GNAL: variants seen among roughly 807,000 people sequenced by gnomAD.
The protein encoded by GNAL is guanine nucleotide-binding protein G(olf) subunit alpha.
Under a neutral mutation model 55.1 loss-of-function variants are expected in GNAL, and 18 were observed. The ratio of observed to expected loss-of-function variants is 0.33; its 90% CI spans 0.23 to 0.48. GNAL has a LOEUF of 0.48. Ranked by LOEUF, GNAL falls within the 20% of genes least tolerant of loss-of-function variation. The pLI is 0.99. For missense variants in GNAL, 412 were observed against 614.1 expected (o/e 0.67, Z 3.48); for synonymous variants, 253 against 237.0 (o/e 1.07, Z -0.62).
intron 4 of GNAL, among the ~76,000 whole-genome samples, chr18:11,766,451 G>A (rs2033408731): frequency 6.6e-6 from 1 of 152,180 alleles, no homozygotes; most frequent in African/African-American, 2.4e-5. Context: ...GGAGCAGGGA[G>A]GGAAGAGGCT....
chr18:11,728,895 C>CTGA (rs2032273792), intron 1 of GNAL, among the ~76,000 whole-genome samples: 1 of 152,120 alleles, frequency 6.6e-6, no homozygotes, highest in Non-Finnish European at 1.5e-5. Flanking sequence ...TGGGAGCCTG[C>CTGA]TGATGAAAGG....
At chr18:11,714,032 C>T (rs2031897475) in intron 1 of GNAL, among the ~76,000 whole-genome samples, 1 of 152,180 alleles carries the variant, frequency 6.6e-6, no homozygotes, top group Non-Finnish European at 1.5e-5. Flanking sequence ...GCTTCAGAGT[C>T]GTGGGATTCT....
intron 4 of GNAL, among the ~76,000 whole-genome samples, chr18:11,792,905 T>A (rs1278818079): frequency 6.6e-6 from 1 of 152,236 alleles, no homozygotes; most frequent in African/African-American, 2.4e-5. Context: ...TAGTTGGACT[T>A]GTTATATTAT....
At chr18:11,773,615 C>A (rs2033696976) in intron 4 of GNAL, among the ~76,000 whole-genome samples, 1 of 151,986 alleles carries the variant, frequency 6.6e-6, no homozygotes, top group Non-Finnish European at 1.5e-5. Flanking sequence ...TACAAAAAAT[C>A]TTGTATAAAA....
At chr18:11,799,641 T>C (rs1273716008) in intron 4 of GNAL, among the ~76,000 whole-genome samples, 3 of 152,286 alleles carry the variant, frequency 2.0e-5, no homozygotes, top group Middle Eastern at 3.4e-3. Flanking sequence ...GTATTTCAAA[T>C]TTCAGATTTC....
intron 11 of GNAL, among the ~76,000 whole-genome samples, chr18:11,880,295 A>G (rs150321562): frequency 0.033 from 4,586 of 137,422 alleles, 174 homozygotes; most frequent in Admixed American, 0.091. Flanking sequence ...TAGGTGGGGC[A>G]CAGTGGCTCA....
chr18:11,880,991 G>C lies in GNAL; in HGVS notation c.1233G>C (p.Arg411Ser). Residue 411 changes from arginine to serine, a missense_variant and splice_region_variant, in exon 12 of 12, where the codon AGG becomes AGC. Transcript: ENST00000334049. Reference protein sequence around the residue: ...AKFFIRDLFLRISTATGDGKH... With the variant: ...AKFFIRDLFLSISTATGDGKH... ...AGTGCACACGCTCTCTCTTGCAGAG[G>C]ATCAGCACGGCCACCGGTGACGGCA... 6.2e-7 allele frequency: 1 copy of C among 1,613,842 alleles called. No individual in the cohort carries two copies.
chr18:11,744,591 A>C (rs2032648369), intron 1 of GNAL, among the ~76,000 whole-genome samples: 1 of 152,230 alleles, frequency 6.6e-6, no homozygotes, highest in African/African-American at 2.4e-5. Context: ...CTGTGTGCAC[A>C]CTGGTCACTC....
At chr18:11,743,222 C>T (rs772704692) in intron 1 of GNAL, among the ~76,000 whole-genome samples, 9 of 151,480 alleles carry the variant, frequency 5.9e-5, no homozygotes, top group Non-Finnish European at 1.0e-4. Flanking sequence ...GAGGTGTTGG[C>T]GCTAGGATTT....
intron 5 of GNAL, chr18:11,851,419 A>T (rs930032033): frequency 1.4e-6 from 2 of 1,407,634 alleles, no homozygotes; most frequent in South Asian, 3.0e-5. Flanking sequence ...GGACCAAAAC[A>T]AAGGAGCGGC....
intron 11 of GNAL, among the ~76,000 whole-genome samples, chr18:11,877,252 G>A (rs370128304): frequency 3.5e-4 from 54 of 152,262 alleles, no homozygotes; most frequent in African/African-American, 1.2e-3. Context: ...TCAGGAGTTC[G>A]AGACTAGCCT....
intron 1 of GNAL, 46 bp downstream of exon 1, chr18:11,689,985 C>T (rs529866868): frequency 2.0e-5 from 23 of 1,133,814 alleles, no homozygotes; most frequent in South Asian, 4.0e-5. Flanking sequence ...GGACAGCGCG[C>T]CGGGCCCGCG....
chr18:11,794,436 A>T (rs2034322113), intron 4 of GNAL, among the ~76,000 whole-genome samples: 1 of 152,228 alleles, frequency 6.6e-6, no homozygotes, highest in South Asian at 2.1e-4. Context: ...CACAGCATGG[A>T]TGAACCTTGA....
At chr18:11,790,077 CTGT>C (rs1182560847) in intron 4 of GNAL, among the ~76,000 whole-genome samples, 2 of 152,188 alleles carry the variant, frequency 1.3e-5, no homozygotes, top group East Asian at 1.9e-4. Context: ...AGGAAGGGTG[CTGT>C]TGTTCTTAGA....
Position 11,751,587 on chromosome 18 carries a change from G to A in GNAL, c.377-1266G>A. 1.0e-6 allele frequency: 1 copy of A among 985,464 alleles called. No homozygotes were observed. Among genetic ancestry groups the A allele is most frequent in the Non-Finnish European group, 1.2e-6 (1 of 829,954 alleles). 61.0% of individuals were successfully genotyped at this position (985,464 alleles called of 1,614,324 possible). A position where few individuals can be genotyped will look rare whatever the true frequency, so the allele number is the denominator to read the frequency against. On this transcript the variant is annotated intron_variant, in intron 1 of 11. Coordinates refer to ENST00000334049, the MANE Select transcript of GNAL (RefSeq NM_182978.4). This position sits in a 1 kb window ranked among gnomAD's most constrained non-coding sequence, Gnocchi z 4.5. ...GTCTTCGCCCGCCAGGAGCAGGGAC[G>A]CGTCCGAGCCAACACGGGGCGCGCG...
rs1786565 is a variant in GNAL, at chr18:11,824,629, G to A, written c.625-289G>A. Among the ~76,000 whole-genome samples, 103,726 of 151,660 alleles carry A rather than the reference G, an allele frequency of 0.68. 37,515 individuals carry two copies. The highest frequency in any genetic ancestry group is 0.81 in the Admixed American group (12,391 of 15,252). On this transcript the variant is annotated intron_variant, in intron 4 of 11. Transcript: ENST00000334049. ...CTTGAACCTGGGAGGCGGAGGTTGC[G>A]GTGAACCAAGATGGCACCACTGCAC...
rs138510198 is a variant in GNAL at position 11,739,839 on chromosome 18, G to A, written c.377-13014G>A. 1.2e-4 allele frequency among the ~76,000 whole-genome samples: 18 copies of A among 150,494 alleles called. 1 individual carries two copies. The East Asian group carries it at 3.5e-3, about 29-fold the overall frequency. On this transcript the variant is annotated intron_variant, in intron 1 of 11. Transcript: ENST00000334049. Reference sequence around the variant, plus strand: ...ATTTGGTGTCCAGTTTCTCCACTGTGTGGTTACTTTTTTTTTTTTTTATGT... The same window carrying A: ...ATTTGGTGTCCAGTTTCTCCACTGTATGGTTACTTTTTTTTTTTTTTATGT...
At chr18:11,832,056 C>A (rs1470880485) in intron 5 of GNAL, among the ~76,000 whole-genome samples, 1 of 152,202 alleles carries the variant, frequency 6.6e-6, no homozygotes, top group Non-Finnish European at 1.5e-5. Context: ...AATTTAAAAA[C>A]AACCTCTACT....
intron 4 of GNAL, among the ~76,000 whole-genome samples, chr18:11,817,825 G>A (rs1289981891): frequency 6.6e-6 from 1 of 151,668 alleles, no homozygotes; most frequent in African/African-American, 2.4e-5. Context: ...CTGGGCTCTG[G>A]TGATCCGCCC....
Sources: gnomAD v4.1 joint callset for allele counts (sites outside exome capture counted in the v4.1 genomes callset) on GRCh38, gnomAD v4.1.1 for gene constraint, Gnocchi (gnomAD v3.1) non-coding constraint, MANE v1.5 for transcripts, NCBI Gene and HGNC (gene_info 2026-07-23, HGNC 2026-07-21) for gene names.